Variants in ARCN1 observed in about 807,000 individuals in gnomAD.
The protein encoded by ARCN1 is coatomer subunit delta.
In ARCN1, 5 loss-of-function variants were observed where a neutral mutation model predicts 60.4. The ratio of observed to expected loss-of-function variants is 0.08; its 90% CI spans 0.04 to 0.17. The LOEUF (loss-of-function observed/expected upper bound fraction) is 0.17. Ranked by LOEUF, ARCN1 falls within the 10% of genes least tolerant of loss-of-function variation. The pLI, the probability that ARCN1 is intolerant of heterozygous loss-of-function variation, is 1.00. For missense variants in ARCN1, 464 were observed against 626.5 expected (o/e 0.74, Z 2.77); for synonymous variants, 224 against 220.0 (o/e 1.02, Z -0.16).
At position 118,602,994 on chromosome 11, in the gene ARCN1, C is replaced by G. The variant is rs1235642892; in HGVS notation, c.*2280C>G. Reference sequence around the variant, plus strand: ...TTGATTCAGGATGCTGTAATGGGACCTAACATTAAAAATTAATGACATGTT... The same window carrying G: ...TTGATTCAGGATGCTGTAATGGGACGTAACATTAAAAATTAATGACATGTT... On this transcript the variant is annotated 3_prime_UTR_variant, in exon 10 of 10. Transcript: ENST00000264028. 1.3e-5 allele frequency: 2 copies of G among 153,632 alleles called. No individual in the cohort carries two copies. Among genetic ancestry groups the G allele is most frequent in the Non-Finnish European group, 2.9e-5 (2 of 68,030 alleles). 9.5% of individuals were successfully genotyped at this position (153,632 alleles called of 1,614,324 possible). A position where few individuals can be genotyped will look rare whatever the true frequency, so the allele number is the denominator to read the frequency against.
chr11:118,593,719 C>G (rs1555076711), intron 8 of ARCN1, 21 bp downstream of exon 8: 1 of 1,535,496 alleles, frequency 6.5e-7, no homozygotes, highest in Admixed American at 1.7e-5. Flanking sequence ...TCCCTGTGTC[C>G]TCTACGGTGG....
intron 8 of ARCN1, chr11:118,593,963 G>A: frequency 3.4e-6 from 1 of 297,948 alleles, no homozygotes; most frequent in South Asian, 4.8e-5. Context: ...GAACTTTTGG[G>A]AATGATAGGA....
chr11:118,602,104 C>T lies in ARCN1; in HGVS notation c.*1390C>T, dbSNP rs1337512700. ...TGTTGGCCCTAAACTATCAAGGAGG[C>T]TCCATTTCACCATTTGATTTTTTGC... On this transcript the variant is annotated 3_prime_UTR_variant, in exon 10 of 10. Transcript: ENST00000264028. 18 of 208,942 alleles carry T rather than the reference C, an allele frequency of 8.6e-5. No homozygotes were observed. The highest frequency in any genetic ancestry group is 1.2e-4 in the Non-Finnish European group (12 of 103,188). 12.9% of individuals were successfully genotyped at this position (208,942 alleles called of 1,614,324 possible).
intron 2 of ARCN1, among the ~76,000 whole-genome samples, chr11:118,582,378 T>G (rs1938676571): frequency 6.6e-6 from 1 of 151,956 alleles, no homozygotes; most frequent in Non-Finnish European, 1.5e-5. Flanking sequence ...GATCTGCCTA[T>G]CTTGGCGTCC....
At chr11:118,587,139 A>G (rs1938797443) in intron 5 of ARCN1, among the ~76,000 whole-genome samples, 1 of 152,224 alleles carries the variant, frequency 6.6e-6, no homozygotes, top group Non-Finnish European at 1.5e-5. Context: ...ATTACTGAAT[A>G]TGAATAGATT....
rs1555074944 is a variant in ARCN1 at position 118,583,326 on chromosome 11, C to T, written c.415C>T (p.His139Tyr). The T allele has an allele frequency of 1.2e-6, 2 of 1,613,758 alleles. No homozygotes were observed. Among genetic ancestry groups the T allele is most frequent in the Non-Finnish European group, 8.5e-7 (1 of 1,179,884 alleles). Reference protein sequence around the residue: ...QIRTFTEMDSHEEKVFRAVRE... With the variant: ...QIRTFTEMDSYEEKVFRAVRE... ...CAGAACCTTCACAGAAATGGATTCT[C>T]ATGAGGAGAAGGTGTTCAGAGCCGT... The change falls in exon 3 of 10, where the codon CAT (histidine) becomes TAT (tyrosine). Residue 139 changes from histidine (H) to tyrosine (Y), a missense_variant. By Grantham distance (83) the His-to-Tyr change is moderately conservative. Coordinates refer to ENST00000264028, the MANE Select transcript of ARCN1 (RefSeq NM_001655.5).
chr11:118,581,420 C>G lies in ARCN1; in HGVS notation c.178C>G (p.Pro60Ala). The stretch of plus-strand genomic sequence containing the variant: ...AGAGAGTGTAAGATATGTCTACCAG[C>G]CTATGGAGAAACTGTATATGGTACT... ...ETESVRYVYQPMEKLYMVLIT... is the reference protein window; with the variant it reads ...ETESVRYVYQAMEKLYMVLIT... The change falls in exon 2 of 10, where the codon CCT (proline) becomes GCT (alanine). Residue 60 changes from proline to alanine, a missense_variant. Pro to Ala is a conservative substitution (Grantham distance 27). Coordinates refer to ENST00000264028, the MANE Select transcript of ARCN1 (RefSeq NM_001655.5). 6.2e-7 allele frequency: 1 copy of G among 1,614,156 alleles called. No individual in the cohort carries two copies. Among genetic ancestry groups the G allele is most frequent in the Non-Finnish European group, 8.5e-7 (1 of 1,180,004 alleles).
chr11:118,575,620 A>G (rs1320232745), intron 1 of ARCN1, among the ~76,000 whole-genome samples: 6 of 152,224 alleles, frequency 3.9e-5, no homozygotes, highest in Non-Finnish European at 4.4e-5. Flanking sequence ...CTCCCTGACA[A>G]TTATAGAAAC....
At chr11:118,600,383 A>G (rs1482209123) in intron 9 of ARCN1, among the ~76,000 whole-genome samples, 2 of 152,220 alleles carry the variant, frequency 1.3e-5, no homozygotes, top group African/African-American at 2.4e-5. Flanking sequence ...TTTACTTAAT[A>G]CTACGGAACA....
At chr11:118,584,357 A>G in intron 4 of ARCN1, 123 bp from the exon 5 acceptor site, 1 of 897,212 alleles carries the variant, frequency 1.1e-6, no homozygotes, top group East Asian at 2.7e-5. Context: ...ATTACCCAAA[A>G]TTATATACAA....
chr11:118,590,319 A>G (rs1938873135), intron 5 of ARCN1, 22 bp from the exon 6 acceptor site: 1 of 1,602,730 alleles, frequency 6.2e-7, no homozygotes, highest in Middle Eastern at 1.7e-4. Flanking sequence ...TTCTGAACAA[A>G]TGTATTACTT....
intron 1 of ARCN1, among the ~76,000 whole-genome samples, chr11:118,576,030 A>T (rs1555073471): frequency 6.6e-6 from 1 of 152,022 alleles, no homozygotes; most frequent in African/African-American, 2.4e-5. Context: ...CAGAACTTTA[A>T]AGACACAGAG....
At chr11:118,581,967 C>CACACACACACACACA (rs1591383666) in intron 2 of ARCN1, among the ~76,000 whole-genome samples, 30 of 150,438 alleles carry the variant, frequency 2.0e-4, no homozygotes, top group South Asian at 8.6e-4. Context: ...CACACACACA[C>CACACACACACACACA]CTTTTAAGAC....
intron 8 of ARCN1, among the ~76,000 whole-genome samples, chr11:118,596,222 C>T (rs900524317): frequency 6.6e-6 from 1 of 152,072 alleles, no homozygotes; most frequent in Admixed American, 6.6e-5. Flanking sequence ...ACCATCTTAT[C>T]CTCTACAGTA....
chr11:118,588,206 T>C (rs1158941043), intron 5 of ARCN1, among the ~76,000 whole-genome samples: 1 of 152,184 alleles, frequency 6.6e-6, no homozygotes, highest in Non-Finnish European at 1.5e-5. Flanking sequence ...CTAATACTGA[T>C]AGGCTGAGTG....
intron 5 of ARCN1, among the ~76,000 whole-genome samples, chr11:118,588,776 G>A (rs953519227): frequency 1.3e-5 from 2 of 151,536 alleles, no homozygotes; most frequent in African/African-American, 4.9e-5. Context: ...CCAACACTTC[G>A]GGAGGCCGAG....
intron 5 of ARCN1, among the ~76,000 whole-genome samples, chr11:118,588,296 C>T (rs1555075767): frequency 6.6e-6 from 1 of 152,092 alleles, no homozygotes; most frequent in African/African-American, 2.4e-5. Context: ...GTGCAGGACC[C>T]CTTTTGGAGA....
rs1565357489 is a variant in ARCN1, at chr11:118,575,971, GTTGT to G, written c.3+3424_3+3427del. On this transcript the variant is annotated intron_variant, in intron 1 of 9. Coordinates refer to ENST00000264028, the MANE Select transcript of ARCN1 (RefSeq NM_001655.5). The stretch of plus-strand genomic sequence containing the variant: ...GTATTGTACATTTTCTGTCACTGTA[GTTGT>G]TTTTTTTTTTTTCTGTTACTGTAGT... 7.9e-5 allele frequency among the ~76,000 whole-genome samples: 11 copies of G among 139,892 alleles called. No individual in the cohort carries two copies. The South Asian group carries it at 2.4e-3, about 30-fold the overall frequency. 91.8% of individuals were successfully genotyped at this position (139,892 alleles called of 152,430 possible).
chr11:118,582,888 A>G (rs557933015), intron 2 of ARCN1, among the ~76,000 whole-genome samples: 3 of 151,868 alleles, frequency 2.0e-5, no homozygotes, highest in Admixed American at 1.3e-4. Flanking sequence ...TAAAAATACA[A>G]AAATTAGCTG....
Sources: gnomAD v4.1 joint callset for allele counts (sites outside exome capture counted in the v4.1 genomes callset) on GRCh38, gnomAD v4.1.1 for gene constraint, MANE v1.5 for transcripts, NCBI Gene and HGNC (gene_info 2026-07-23, HGNC 2026-07-21) for gene names.